ELP4: variants seen among roughly 807,000 people sequenced by gnomAD.
ELP4 encodes elongator complex protein 4.
In ELP4, 51 loss-of-function variants were observed where a neutral mutation model predicts 48.9. That is an observed-to-expected ratio of 1.04 (90% CI 0.83 to 1.32). ELP4 has a LOEUF of 1.32. Ranked by LOEUF, ELP4 falls within the 40% of genes most tolerant of loss-of-function variation. The pLI is 0.00. For synonymous variants in ELP4, 210 were observed against 189.2 expected, an observed-to-expected ratio of 1.11 and a Z score of -0.90; for missense variants, 519 against 514.6, an observed-to-expected ratio of 1.01 and a Z score of -0.08.
Position 31,647,755 on chromosome 11 carries a change from TG to T in ELP4, c.943del (p.Ala315ProfsTer9), listed in dbSNP as rs1467652876. ...THLIQNKAIIARVTTLSDVVV... is the reference protein window; with the variant it reads ...THLIQNKAIIXRVTTLSDVVV... ...ATGTTTTGCAGAATAAAGCCATTAT[TG>T]CCCGTGTCACAACCTTGTCAGATGT... On this transcript the variant is annotated frameshift_variant, in exon 8 of 10. Coordinates refer to ENST00000640961, the MANE Select transcript of ELP4 (RefSeq NM_019040.5). LOFTEE classifies it high-confidence loss of function. The T allele has an allele frequency of 6.2e-7, 1 of 1,607,362 alleles. No homozygotes were observed. The highest frequency in any genetic ancestry group is 1.7e-5 in the Admixed American group (1 of 59,762).
chr11:31,665,131 A>G (rs1162820191), intron 9 of ELP4, among the ~76,000 whole-genome samples: 1 of 152,130 alleles, frequency 6.6e-6, no homozygotes, highest in Non-Finnish European at 1.5e-5. Context: ...GGGATAAACT[A>G]TCTATCATGA....
chr11:31,622,733 C>CAT (rs1944649731), intron 5 of ELP4, among the ~76,000 whole-genome samples: 1 of 151,382 alleles, frequency 6.6e-6, no homozygotes, highest in African/African-American at 2.4e-5. Context: ...TTTTTTCTAT[C>CAT]ATCTCTAAAA....
At chr11:31,674,048 C>A (rs1945865729) in intron 9 of ELP4, among the ~76,000 whole-genome samples, 2 of 152,120 alleles carry the variant, frequency 1.3e-5, no homozygotes, top group Admixed American at 6.5e-5. Flanking sequence ...TAGTGTGTGG[C>A]CATAAAAACA....
chr11:31,562,014 G>A (rs540814821), intron 3 of ELP4, among the ~76,000 whole-genome samples: 1 of 152,256 alleles, frequency 6.6e-6, no homozygotes, highest in African/African-American at 2.4e-5. Flanking sequence ...AGTGTTGAAA[G>A]CATGTGGCTG....
chr11:31,611,909 T>G (rs1369635736), intron 5 of ELP4, among the ~76,000 whole-genome samples: 1 of 152,202 alleles, frequency 6.6e-6, no homozygotes, highest in Non-Finnish European at 1.5e-5. Context: ...CTCAAAGTCT[T>G]TCTAAGTGGA....
Position 31,539,733 on chromosome 11 carries a change from C to A in ELP4, c.331C>A (p.His111Asn). The change falls in exon 3 of 10, where the codon CAT becomes AAT. Residue 111 changes from histidine to asparagine, a missense_variant. Coordinates refer to ENST00000640961, the MANE Select transcript of ELP4 (RefSeq NM_019040.5). ...YFLAEGIVNG[H>N]TLLVASAKED... ...CCTGGCAGAAGGAATTGTCAATGGG[C>A]ATACTTTGTTGGTTGCATCTGCTAA... 1 of 1,611,982 alleles carries A rather than the reference C, an allele frequency of 6.2e-7. No homozygotes were observed. The highest frequency in any genetic ancestry group is 8.5e-7 in the Non-Finnish European group (1 of 1,178,942).
intron 3 of ELP4, among the ~76,000 whole-genome samples, chr11:31,551,921 C>T (rs1956860454): frequency 6.6e-6 from 1 of 152,112 alleles, no homozygotes; most frequent in Non-Finnish European, 1.5e-5. Flanking sequence ...TAGGTTGACA[C>T]ACAGATTTCT....
chr11:31,720,380 T>C (rs1161211346), intron 9 of ELP4, among the ~76,000 whole-genome samples: 1 of 152,194 alleles, frequency 6.6e-6, no homozygotes, highest in Non-Finnish European at 1.5e-5. Context: ...AGGGTCACTA[T>C]TGTCTGCCCA....
chr11:31,521,659 A>G (rs1565033677), intron 2 of ELP4, among the ~76,000 whole-genome samples: 1 of 152,092 alleles, frequency 6.6e-6, no homozygotes, highest in Non-Finnish European at 1.5e-5. Context: ...CACAATAAGG[A>G]TCAAAGTTGC....
intron 3 of ELP4, among the ~76,000 whole-genome samples, chr11:31,574,914 G>A (rs1957248044): frequency 6.6e-6 from 1 of 152,226 alleles, no homozygotes; most frequent in African/African-American, 2.4e-5. Context: ...GCCAGCAACA[G>A]AACAAAGCTG....
chr11:31,673,669 G>T (rs1020763631), intron 9 of ELP4, among the ~76,000 whole-genome samples: 1 of 152,070 alleles, frequency 6.6e-6, no homozygotes, highest in African/African-American at 2.4e-5. Context: ...CCACAATTTT[G>T]GTGCATAAAT....
intron 9 of ELP4, among the ~76,000 whole-genome samples, chr11:31,751,423 G>A (rs1947718189): frequency 6.6e-6 from 1 of 152,082 alleles, no homozygotes; most frequent in African/African-American, 2.4e-5. Flanking sequence ...GAGGAAGAAG[G>A]AACCAAAACT....
intron 3 of ELP4, among the ~76,000 whole-genome samples, chr11:31,565,334 T>C (rs1283602434): frequency 6.6e-6 from 1 of 152,052 alleles, no homozygotes; most frequent in Non-Finnish European, 1.5e-5. Context: ...GCCTGTTCAC[T>C]CTGATGGCAG....
intron 2 of ELP4, among the ~76,000 whole-genome samples, chr11:31,521,552 G>A (rs1048951182): frequency 2.0e-5 from 3 of 152,040 alleles, no homozygotes; most frequent in Non-Finnish European, 4.4e-5. Flanking sequence ...GATTATTGCA[G>A]TTTCAAGTAG....
At chr11:31,527,361 T>A (rs1286262917) in intron 2 of ELP4, among the ~76,000 whole-genome samples, 1 of 152,006 alleles carries the variant, frequency 6.6e-6, no homozygotes, top group Non-Finnish European at 1.5e-5. Context: ...ATAGGATACA[T>A]AGAGAAATGC....
In ELP4 at chr11:31,746,751, G is replaced by A. The variant is rs186434710; in HGVS notation, c.1144-36642G>A. 5.0e-3 allele frequency among the ~76,000 whole-genome samples: 764 copies of A among 152,206 alleles called. 7 individuals are homozygous for A. Among genetic ancestry groups the A allele is most frequent in the African/African-American group, 0.018 (731 of 41,532 alleles). ...CGGGGACTGTTGTGGGGTCGGTGGA[G>A]GGGGGAGGGATAGCATTAGGAGATA... On this transcript the variant is annotated intron_variant, in intron 9 of 9. Transcript: ENST00000640961.
intron 9 of ELP4, among the ~76,000 whole-genome samples, chr11:31,664,719 GA>G (rs1275286383): frequency 1.3e-5 from 2 of 151,954 alleles, no homozygotes; most frequent in African/African-American, 4.8e-5. Context: ...GCAGCTGAAG[GA>G]AAGATACTAA....
chr11:31,538,226 A>G (rs1235054367), intron 2 of ELP4, among the ~76,000 whole-genome samples: 2 of 149,770 alleles, frequency 1.3e-5, no homozygotes, highest in African/African-American at 4.9e-5. Context: ...AAATACTTAA[A>G]GCCAAATCCA....
intron 5 of ELP4, among the ~76,000 whole-genome samples, chr11:31,622,573 T>C (rs1944647534): frequency 6.6e-6 from 1 of 151,656 alleles, no homozygotes; most frequent in African/African-American, 2.4e-5. Flanking sequence ...TTTTTATCTT[T>C]CTTAATAAGA....
Sources: gnomAD v4.1 joint callset for allele counts (sites outside exome capture counted in the v4.1 genomes callset) on GRCh38, gnomAD v4.1.1 for gene constraint, MANE v1.5 for transcripts, NCBI Gene and HGNC (gene_info 2026-07-23, HGNC 2026-07-21) for gene names.